The following ZNG1A variants were observed in gnomAD, a reference collection of about 807,000 sequenced individuals.
ZNG1A encodes the protein zinc-regulated GTPase metalloprotein activator 1A.
chr9:154,794 G>A, the ZNG1A span: 1 of 1,538,316 alleles, frequency 6.5e-7, no homozygotes, highest in African/African-American at 1.4e-5. Context: ...AAAGCAACTT[G>A]TCTAAAATAG....
chr9:125,773 A>T, the ZNG1A span, among the ~76,000 whole-genome samples: 2 of 52,972 alleles, frequency 3.8e-5, 1 homozygote, highest in Non-Finnish European at 7.3e-5. Flanking sequence ...GTGGCTAGCC[A>T]ATTATCCCAG....
chr9:141,869 A>T, the ZNG1A span, among the ~76,000 whole-genome samples: 1 of 152,208 alleles, frequency 6.6e-6, no homozygotes, highest in African/African-American at 2.4e-5. Context: ...AATGGAAAAC[A>T]AAACAAGGCA....
the ZNG1A span, among the ~76,000 whole-genome samples, chr9:140,750 G>A: frequency 2.0e-5 from 3 of 151,952 alleles, no homozygotes; most frequent in African/African-American, 7.3e-5. Flanking sequence ...TCCGAGCTAT[G>A]GGAGGACATT....
chr9:144,510 C>T, the ZNG1A span, among the ~76,000 whole-genome samples: 83 of 152,086 alleles, frequency 5.5e-4, no homozygotes, highest in East Asian at 0.011. Flanking sequence ...AAGCTGAAAC[C>T]AGATCCCTTC....
chr9:172,296 A>T, the ZNG1A span: 3 of 1,251,118 alleles, frequency 2.4e-6, no homozygotes, highest in Admixed American at 2.1e-5. Context: ...TGAAAATTTA[A>T]CTCACTTCTA....
the ZNG1A span, among the ~76,000 whole-genome samples, chr9:140,653 C>T: frequency 2.6e-4 from 39 of 152,080 alleles, no homozygotes; most frequent in African/African-American, 5.6e-4. Context: ...TCCAAAGGAA[C>T]GCAGCTCCTC....
chr9:160,951 T>C, the ZNG1A span, among the ~76,000 whole-genome samples: 11 of 150,910 alleles, frequency 7.3e-5, no homozygotes, highest in Non-Finnish European at 4.4e-5. Flanking sequence ...TAATACTGTA[T>C]TTGGGATCAT....
the ZNG1A span, among the ~76,000 whole-genome samples, chr9:126,671 T>A: frequency 4.6e-5 from 7 of 152,096 alleles, no homozygotes; most frequent in Non-Finnish European, 8.8e-5. Flanking sequence ...GTTTCATTTA[T>A]CTTTTGGATT....
the ZNG1A span, chr9:171,512 G>A: frequency 5.9e-5 from 9 of 153,236 alleles, no homozygotes; most frequent in African/African-American, 2.2e-4. Flanking sequence ...TTGACTCTGT[G>A]TAGCTTTCCA....
At chr9:156,387 T>C in the ZNG1A span, 4 of 1,463,386 alleles carry the variant, frequency 2.7e-6, no homozygotes, top group African/African-American at 4.3e-5. Flanking sequence ...CTTGACTATG[T>C]TTTAAAATTT....
chr9:145,533 T>G, the ZNG1A span, among the ~76,000 whole-genome samples: 1 of 115,784 alleles, frequency 8.6e-6, no homozygotes, highest in Non-Finnish European at 1.7e-5. Flanking sequence ...GAACATCACA[T>G]TCTGGGGACT....
chr9:122,968 GAGC>G, the ZNG1A span: 1 of 1,279,492 alleles, frequency 7.8e-7, no homozygotes, highest in African/African-American at 1.6e-5. Flanking sequence ...TGGGAACAGA[GAGC>G]AGAAGGTAAC....
At chr9:175,059 C>G in the ZNG1A span, among the ~76,000 whole-genome samples, 5 of 152,094 alleles carry the variant, frequency 3.3e-5, no homozygotes, top group Admixed American at 6.6e-5. Context: ...AGAGTCCATA[C>G]AAAAGTGCTT....
chr9:137,022 AGAGT>A, the ZNG1A span, among the ~76,000 whole-genome samples: 1 of 142,082 alleles, frequency 7.0e-6, no homozygotes, highest in Admixed American at 7.2e-5. Context: ...CCCAGGTGTC[AGAGT>A]GAGACTCTGT....
the ZNG1A span, among the ~76,000 whole-genome samples, chr9:161,285 A>G: frequency 4.1e-3 from 618 of 151,836 alleles, 1 homozygote; most frequent in African/African-American, 0.014. Flanking sequence ...GCTGGTCAAC[A>G]TGGTAAAATC....
chr9:145,292 C>G, the ZNG1A span, among the ~76,000 whole-genome samples: 107 of 150,604 alleles, frequency 7.1e-4, 4 homozygotes, highest in East Asian at 0.017. Context: ...AGACTTGGAA[C>G]CAACCCAAAT....
At chr9:159,042 A>G in the ZNG1A span, among the ~76,000 whole-genome samples, 55 of 151,860 alleles carry the variant, frequency 3.6e-4, no homozygotes, top group African/African-American at 1.3e-3. Context: ...AATAAAACAA[A>G]ATGGAAATTT....
the ZNG1A span, among the ~76,000 whole-genome samples, chr9:176,076 A>T: frequency 6.7e-6 from 1 of 148,374 alleles, no homozygotes; most frequent in Non-Finnish European, 1.5e-5. Context: ...ATTTATAATG[A>T]CCTTTTATTT....
the ZNG1A span, among the ~76,000 whole-genome samples, chr9:129,435 T>G: frequency 3.4e-4 from 50 of 147,110 alleles, 1 homozygote; most frequent in Non-Finnish European, 1.5e-4. Flanking sequence ...TCCAGGACAG[T>G]TGAATGGATA....
Sources: gnomAD v4.1 joint callset for allele counts (sites outside exome capture counted in the v4.1 genomes callset) on GRCh38, gnomAD v4.1.1 for gene constraint, MANE v1.5 for transcripts, NCBI Gene and HGNC (gene_info 2026-07-23, HGNC 2026-07-21) for gene names.